The following KDM6A variants were observed in gnomAD, a reference collection of about 807,000 sequenced individuals.
KDM6A encodes lysine demethylase 6A, also known as lysine-specific demethylase 6A.
A neutral mutation model predicts 117.6 loss-of-function variants in KDM6A; 11 were observed. The ratio of observed to expected loss-of-function variants is 0.09; its 90% CI spans 0.06 to 0.15. The LOEUF is 0.15. Among genes scored for constraint, KDM6A ranks in the 10% least tolerant of loss-of-function variants. KDM6A has a pLI of 1.00. For missense variants in KDM6A, 799 were observed against 1,077.3 expected (o/e 0.74, Z 3.62); for synonymous variants, 384 against 396.1 (o/e 0.97, Z 0.36).
intron 3 of KDM6A, among the ~76,000 whole-genome samples, chrX:44,966,542 G>A (rs888224259): frequency 9.0e-6 from 1 of 111,076 alleles, no homozygotes; most frequent in African/African-American, 3.3e-5. Flanking sequence ...ACTAGACTGT[G>A]TTAGCAAACT....
chrX:45,058,087 C>CCTT (rs1491300414), intron 10 of KDM6A, among the ~76,000 whole-genome samples: 4 of 50,131 alleles, frequency 8.0e-5, no homozygotes, highest in Admixed American at 1.9e-4. Context: ...CCCCCCCCCC[C>CCTT]TTTTTTTTTT....
chrX:45,035,999 G>A (rs997353744), intron 7 of KDM6A, among the ~76,000 whole-genome samples: 11 of 112,046 alleles, frequency 9.8e-5, no homozygotes, highest in African/African-American at 1.9e-4. Context: ...GCGCCCGTCC[G>A]AAAAATGAAA....
chrX:45,111,996 A>T lies in KDM6A; in HGVS notation c.*585A>T. The T allele has an allele frequency of 5.9e-6, 1 of 170,355 alleles. No homozygotes were observed. Among genetic ancestry groups the T allele is most frequent in the East Asian group, 8.6e-5 (1 of 11,631 alleles). The allele number at this position is 170,355 out of a possible 1,213,427, so 14.0% of individuals were successfully genotyped here. A position where few individuals can be genotyped will look rare whatever the true frequency, so the allele number is the denominator to read the frequency against. On this transcript the variant is annotated 3_prime_UTR_variant, in exon 30 of 30. Coordinates refer to ENST00000611820, the MANE Select transcript of KDM6A (RefSeq NM_001291415.2). ...AAGTCACAAAGGTAATGGATTGCACATAGACTAAGGAATAAACTTCAGATT... is the reference window on the plus strand; with the variant it reads ...AAGTCACAAAGGTAATGGATTGCACTTAGACTAAGGAATAAACTTCAGATT...
intron 17 of KDM6A, among the ~76,000 whole-genome samples, chrX:45,067,650 TTTG>T (rs1366158155): frequency 1.0e-5 from 1 of 96,580 alleles, no homozygotes; most frequent in Non-Finnish European, 1.9e-5. Flanking sequence ...GTATCTTTTT[TTTG>T]TTTTTTTTTT....
At chrX:45,072,420 A>G (rs1342033134) in intron 18 of KDM6A, among the ~76,000 whole-genome samples, 1 of 109,177 alleles carries the variant, frequency 9.2e-6, no homozygotes, top group Non-Finnish European at 1.9e-5. Context: ...TTTATATTAT[A>G]GGTTTTTATA....
intron 4 of KDM6A, among the ~76,000 whole-genome samples, chrX:45,010,675 C>A (rs2041715627): frequency 8.9e-6 from 1 of 111,810 alleles, no homozygotes; most frequent in African/African-American, 3.3e-5. Flanking sequence ...AATAGGATAA[C>A]ATAGGCTGAG....
At chrX:44,926,980 G>A (rs1356739448) in intron 2 of KDM6A, among the ~76,000 whole-genome samples, 1 of 111,461 alleles carries the variant, frequency 9.0e-6, no homozygotes, top group Admixed American at 9.5e-5. Flanking sequence ...TTGCGCAAGG[G>A]CTGTTGTAAT....
chrX:45,038,933 G>T (rs979127643), intron 8 of KDM6A, among the ~76,000 whole-genome samples: 1 of 109,747 alleles, frequency 9.1e-6, no homozygotes, highest in African/African-American at 3.3e-5. Flanking sequence ...AATTTATAAG[G>T]TCTGTTTTGA....
chrX:45,079,596 C>A (rs1043129268), intron 21 of KDM6A, among the ~76,000 whole-genome samples: 1 of 111,681 alleles, frequency 9.0e-6, no homozygotes, highest in Non-Finnish European at 1.9e-5. Flanking sequence ...TAGGCTAGAG[C>A]GCAGTGGCAC....
chrX:44,985,333 A>G lies in KDM6A; in HGVS notation c.384+10618A>G, dbSNP rs1471825129. ...GCTGAAACGATGGGGTTTTCTAGAT[A>G]TACAATCATGTCATCTGCAAACAGG... On this transcript the variant is annotated intron_variant, in intron 4 of 29. Transcript: ENST00000611820. Among the ~76,000 whole-genome samples the G allele has an allele frequency of 7.2e-5, 8 of 111,849 alleles. No individual in the cohort carries two copies. In the East Asian group the frequency reaches 2.3e-3, roughly 31 times the overall value.
At chrX:44,941,823 C>T (rs775197540) in intron 2 of KDM6A, among the ~76,000 whole-genome samples, 4 of 110,119 alleles carry the variant, frequency 3.6e-5, no homozygotes, top group Admixed American at 2.9e-4. Flanking sequence ...ATGTTGTTAC[C>T]CATGTATTTA....
chrX:44,989,534 A>G (rs1308651534), intron 4 of KDM6A, among the ~76,000 whole-genome samples: 1 of 110,841 alleles, frequency 9.0e-6, no homozygotes, highest in African/African-American at 3.3e-5. Flanking sequence ...CTATTCAGCC[A>G]TCTTGGCTCC....
chrX:45,050,588 G>T (rs2043795532), intron 8 of KDM6A, among the ~76,000 whole-genome samples: 1 of 111,063 alleles, frequency 9.0e-6, no homozygotes. Context: ...ACTTTTTTTT[G>T]AAAATATTTG....
intron 3 of KDM6A, among the ~76,000 whole-genome samples, chrX:44,973,034 C>CA (rs56660954): frequency 0.28 from 27,765 of 98,226 alleles, 3,906 homozygotes; most frequent in African/African-American, 0.5. Context: ...GACCCCATCT[C>CA]AAAAAAAAAA....
At chrX:44,988,488 G>A (rs1456190181) in intron 4 of KDM6A, among the ~76,000 whole-genome samples, 1 of 111,437 alleles carries the variant, frequency 9.0e-6, no homozygotes, top group African/African-American at 3.3e-5. Context: ...GAGGCGCTCT[G>A]ATTTTTAGAG....
chrX:44,909,952 AAC>A (rs962627231), intron 2 of KDM6A, among the ~76,000 whole-genome samples: 9 of 112,327 alleles, frequency 8.0e-5, no homozygotes, highest in African/African-American at 1.9e-4. Context: ...TTATTAAAAT[AAC>A]ACAGTATAAT....
chrX:44,929,077 C>T (rs945104181), intron 2 of KDM6A, among the ~76,000 whole-genome samples: 15 of 110,061 alleles, frequency 1.4e-4, no homozygotes, highest in African/African-American at 4.0e-4. Flanking sequence ...ACTACAGGTG[C>T]GCGCCACCAC....
Position 45,051,755 on chromosome X carries a change from C to G in KDM6A, c.701C>G (p.Thr234Arg). The G allele has an allele frequency of 8.4e-7, 1 of 1,191,725 alleles. No individual in the cohort carries two copies. The highest frequency in any genetic ancestry group is 1.8e-5 in the South Asian group (1 of 56,017). ...AKEAYEQLLQTENLSAQVKAT... is the reference protein window; with the variant it reads ...AKEAYEQLLQRENLSAQVKAT... ...GAAGCTTATGAACAACTTTTGCAGA[C>G]AGAGAATCTTTCTGCACAAGTAAAA... The change falls in exon 9 of 30, where the codon ACA (threonine) becomes AGA (arginine). Residue 234 changes from threonine (T) to arginine (R), a missense_variant. Physicochemically the swap from Thr to Arg is moderately conservative, Grantham distance 71. Around this residue, in one of 8 missense-constraint regions of KDM6A, gnomAD observed 63 missense variants for 68.2 expected, o/e 0.92. Coordinates refer to ENST00000611820, the MANE Select transcript of KDM6A (RefSeq NM_001291415.2).
chrX:44,905,087 A>G (rs1224357091), intron 2 of KDM6A, among the ~76,000 whole-genome samples: 2 of 111,993 alleles, frequency 1.8e-5, no homozygotes, highest in Non-Finnish European at 3.8e-5. Context: ...TCAGGACTAC[A>G]ATGTTTTGTT....
Sources: allele counts gnomAD v4.1 joint callset (sites outside exome capture counted in the v4.1 genomes callset), GRCh38; gene constraint gnomAD v4.1.1; regional missense constraint gnomAD v4.1.1; transcripts MANE v1.5; gene names NCBI Gene and HGNC (gene_info 2026-07-23, HGNC 2026-07-21).